Variants in PAK5 observed in about 807,000 individuals in gnomAD.
PAK5 encodes serine/threonine-protein kinase PAK 5.
A neutral mutation model predicts 65.9 loss-of-function variants in PAK5; 16 were observed. That is an observed-to-expected ratio of 0.24 (90% confidence interval 0.16 to 0.37). PAK5 has a LOEUF of 0.37. Ranked by LOEUF, PAK5 falls within the 10% of genes least tolerant of loss-of-function variation. PAK5 has a pLI of 1.00. For missense variants in PAK5, 785 were observed against 903.9 expected, an observed-to-expected ratio of 0.87 and a Z score of 1.69; for synonymous variants, 371 against 354.9, an observed-to-expected ratio of 1.05 and a Z score of -0.51.
In PAK5 at chr20:9,578,989, C is replaced by A. The variant is rs117065508; in HGVS notation, c.990+1156G>T. On this transcript the variant is annotated intron_variant, in intron 4 of 9. Transcript: ENST00000353224. Reference sequence around the variant, plus strand: ...AACTAAGGTGACAGCTTTTTTGTTTCTTCTAAAGAATGGCTGAAGTAACTC... The same window carrying A: ...AACTAAGGTGACAGCTTTTTTGTTTATTCTAAAGAATGGCTGAAGTAACTC... Among the ~76,000 whole-genome samples, 905 of 152,196 alleles carry A rather than the reference C, an allele frequency of 5.9e-3. 12 individuals are homozygous for A. Among genetic ancestry groups the A allele is most frequent in the Non-Finnish European group, 5.5e-3 (373 of 67,998 alleles).
At chr20:9,694,395 T>G (rs1290166813) in intron 2 of PAK5, among the ~76,000 whole-genome samples, 3 of 151,646 alleles carry the variant, frequency 2.0e-5, no homozygotes, top group African/African-American at 7.3e-5. Flanking sequence ...GGGTATGACT[T>G]TGTATTTCCT....
At chr20:9,660,535 T>TTACG (rs1451742926) in intron 2 of PAK5, among the ~76,000 whole-genome samples, 1 of 151,700 alleles carries the variant, frequency 6.6e-6, no homozygotes, top group East Asian at 2.0e-4. Context: ...ACGTAGTATA[T>TTACG]TAGAAGATGA....
chr20:9,555,596 T>C (rs2045493848), intron 7 of PAK5, among the ~76,000 whole-genome samples: 1 of 152,204 alleles, frequency 6.6e-6, no homozygotes, highest in African/African-American at 2.4e-5. Flanking sequence ...GGGAGGATTC[T>C]TGACCTTTTC....
intron 4 of PAK5, among the ~76,000 whole-genome samples, chr20:9,579,020 A>G (rs778279560): frequency 1.4e-4 from 21 of 152,226 alleles, no homozygotes; most frequent in Non-Finnish European, 2.8e-4. Context: ...AACTCCAACA[A>G]TACACTTAAA....
intron 1 of PAK5, among the ~76,000 whole-genome samples, chr20:9,736,192 C>T (rs551459099): frequency 2.6e-5 from 4 of 151,990 alleles, no homozygotes; most frequent in African/African-American, 4.8e-5. Context: ...TGAGCAACTG[C>T]GCCAGGCCAA....
chr20:9,598,018 A>C (rs2046300511), intron 3 of PAK5, among the ~76,000 whole-genome samples: 1 of 152,316 alleles, frequency 6.6e-6, no homozygotes, highest in Non-Finnish European at 1.5e-5. Flanking sequence ...TACATAGGTA[A>C]ACATGTGCCA....
intron 1 of PAK5, among the ~76,000 whole-genome samples, chr20:9,782,932 T>TG (rs930812283): frequency 1.3e-5 from 2 of 150,046 alleles, no homozygotes; most frequent in Non-Finnish European, 2.9e-5. Context: ...TTCTTTTTTT[T>TG]TTTTCTTTTT....
rs1228300012 is a variant in PAK5, at chr20:9,630,713, A to T, written c.204+13412T>A. Among the ~76,000 whole-genome samples, 3 of 152,254 alleles carry T rather than the reference A, an allele frequency of 2.0e-5. No homozygotes were observed. The East Asian group carries it at 5.8e-4, about 29-fold the overall frequency. The stretch of plus-strand genomic sequence containing the variant: ...TTCATGAAAAGGAAGGGCAGAACCA[A>T]GAACCCTGAGGGAGGAGCCTAAGCC... On this transcript the variant is annotated intron_variant, in intron 3 of 9. Transcript: ENST00000353224.
At chr20:9,606,495 G>A (rs1480360723) in intron 3 of PAK5, among the ~76,000 whole-genome samples, 1 of 152,180 alleles carries the variant, frequency 6.6e-6, no homozygotes, top group Non-Finnish European at 1.5e-5. Context: ...CCCACATGTG[G>A]ACCGTAGCCC....
At chr20:9,578,926 CTATT>C (rs1487875118) in intron 4 of PAK5, among the ~76,000 whole-genome samples, 5 of 152,080 alleles carry the variant, frequency 3.3e-5, no homozygotes, top group Admixed American at 2.6e-4. Flanking sequence ...TCTCAGGCCT[CTATT>C]TATCAAGATT....
chr20:9,727,439 A>C (rs1231638902), intron 1 of PAK5, among the ~76,000 whole-genome samples: 1 of 152,120 alleles, frequency 6.6e-6, no homozygotes, highest in African/African-American at 2.4e-5. Context: ...GCAATCAATA[A>C]ATATCTTGAG....
At chr20:9,711,831 T>C (rs532646095) in intron 1 of PAK5, among the ~76,000 whole-genome samples, 1 of 152,304 alleles carries the variant, frequency 6.6e-6, no homozygotes, top group East Asian at 1.9e-4. Flanking sequence ...TTTGCAGTAG[T>C]TATGATTTAT....
intron 3 of PAK5, among the ~76,000 whole-genome samples, chr20:9,636,247 T>C (rs925116354): frequency 3.3e-5 from 5 of 152,108 alleles, no homozygotes; most frequent in Admixed American, 1.3e-4. Flanking sequence ...AATGCAAAAT[T>C]GAGCATCACA....
chr20:9,779,965 T>C (rs2048925031), intron 1 of PAK5, among the ~76,000 whole-genome samples: 1 of 152,068 alleles, frequency 6.6e-6, no homozygotes, highest in Non-Finnish European at 1.5e-5. Context: ...TATCCTATAG[T>C]AAAATGCATG....
intron 1 of PAK5, among the ~76,000 whole-genome samples, chr20:9,817,092 G>C (rs932764644): frequency 2.0e-5 from 3 of 151,896 alleles, no homozygotes; most frequent in Middle Eastern, 6.8e-3. Flanking sequence ...GTCCAGGCTG[G>C]GCAACATAGT....
intron 1 of PAK5, among the ~76,000 whole-genome samples, chr20:9,771,316 A>G (rs1026936329): frequency 6.6e-6 from 1 of 152,184 alleles, no homozygotes; most frequent in African/African-American, 2.4e-5. Context: ...AAATGGTTGA[A>G]TCTTGCCAAC....
At chr20:9,762,664 T>C (rs1418415225) in intron 1 of PAK5, among the ~76,000 whole-genome samples, 1 of 152,110 alleles carries the variant, frequency 6.6e-6, no homozygotes, top group Admixed American at 6.6e-5. Context: ...GGTACACTAT[T>C]TATGGGAAGG....
At chr20:9,608,555 C>A (rs376063557) in intron 3 of PAK5, among the ~76,000 whole-genome samples, 10 of 152,164 alleles carry the variant, frequency 6.6e-5, no homozygotes, top group Admixed American at 6.5e-4. Flanking sequence ...CAAGTGATGT[C>A]TTTTAATTTG....
chr20:9,697,229 T>G (rs1317620455), intron 2 of PAK5, among the ~76,000 whole-genome samples: 2 of 152,138 alleles, frequency 1.3e-5, no homozygotes, highest in African/African-American at 4.8e-5. Context: ...GTTCACTGTT[T>G]TATTTCTATA....
Sources: gnomAD v4.1 joint callset for allele counts (sites outside exome capture counted in the v4.1 genomes callset) on GRCh38, gnomAD v4.1.1 for gene constraint, MANE v1.5 for transcripts, NCBI Gene and HGNC (gene_info 2026-07-23, HGNC 2026-07-21) for gene names.